The following ERC2 variants were observed in gnomAD, a reference collection of about 807,000 sequenced individuals.
ERC2 encodes ERC protein 2.
Under a neutral mutation model 114.8 loss-of-function variants are expected in ERC2, and 42 were observed. The observed-to-expected ratio is 0.37, with a 90% confidence interval of 0.29 to 0.47. ERC2 has a LOEUF of 0.47. Ranked by LOEUF, ERC2 falls within the 20% of genes least tolerant of loss-of-function variation. The pLI is 0.99. For synonymous variants in ERC2, 454 were observed against 425.5 expected (o/e 1.07, Z -0.82); for missense variants, 939 against 1,150.7 (o/e 0.82, Z 2.66).
chr3:56,424,849 A>G lies in ERC2; in HGVS notation c.657+9502T>C, dbSNP rs143936151. Among the ~76,000 whole-genome samples the G allele has an allele frequency of 1.6e-3, 249 of 152,322 alleles. 1 individual carries two copies. Among genetic ancestry groups the G allele is most frequent in the African/African-American group, 5.8e-3 (241 of 41,570 alleles). On this transcript the variant is annotated intron_variant, in intron 2 of 17. Transcript: ENST00000288221. Reference sequence around the variant, plus strand: ...GCATTCCAAGGTATGTTGTGGTGCTAAACTATATTATCCAGTTCTAAATAC... The same window carrying G: ...GCATTCCAAGGTATGTTGTGGTGCTGAACTATATTATCCAGTTCTAAATAC...
At chr3:56,297,089 C>G (rs1377422728) in intron 2 of ERC2, among the ~76,000 whole-genome samples, 1 of 151,862 alleles carries the variant, frequency 6.6e-6, no homozygotes, top group Non-Finnish European at 1.5e-5. Flanking sequence ...AACCTTGGTT[C>G]TTCTGGCATC....
intron 2 of ERC2, among the ~76,000 whole-genome samples, chr3:56,345,217 C>T (rs1228750470): frequency 6.6e-6 from 1 of 152,184 alleles, no homozygotes; most frequent in Non-Finnish European, 1.5e-5. Context: ...TCCCTGAAAA[C>T]AACAAAGTCT....
intron 3 of ERC2, 58 bp downstream of exon 3, chr3:56,295,961 G>T: frequency 6.8e-7 from 1 of 1,479,396 alleles, no homozygotes; most frequent in South Asian, 1.4e-5. Context: ...AAAATAACTT[G>T]ATAACATATT....
intron 12 of ERC2, among the ~76,000 whole-genome samples, chr3:55,983,385 C>G (rs947184778): frequency 2.0e-4 from 31 of 152,284 alleles, no homozygotes; most frequent in Middle Eastern, 6.8e-3. Flanking sequence ...AACCCTCCCC[C>G]GAGTACAATA....
chr3:55,724,265 G>A (rs2064770290), intron 15 of ERC2, among the ~76,000 whole-genome samples: 1 of 152,222 alleles, frequency 6.6e-6, no homozygotes, highest in African/African-American at 2.4e-5. Flanking sequence ...TGCACATGGT[G>A]GCCTCAGGTC....
intron 3 of ERC2, among the ~76,000 whole-genome samples, chr3:56,278,924 A>G (rs2054177674): frequency 1.3e-5 from 2 of 152,096 alleles, no homozygotes; most frequent in South Asian, 2.1e-4. Flanking sequence ...CTATGCCCCA[A>G]CTCCAGCATT....
chr3:55,917,539 C>T (rs1405806939), intron 13 of ERC2, among the ~76,000 whole-genome samples: 1 of 151,928 alleles, frequency 6.6e-6, no homozygotes, highest in Non-Finnish European at 1.5e-5. Flanking sequence ...TATGAATAGG[C>T]AAATCTATAA....
chr3:55,749,868 G>A lies in ERC2; in HGVS notation c.2565-14950C>T, dbSNP rs181514549. 1.6e-4 allele frequency among the ~76,000 whole-genome samples: 24 copies of A among 152,248 alleles called. No homozygotes were observed. The South Asian group carries it at 1.9e-3, about 12-fold the overall frequency. ...CTTTAAGAGTTGTAACACTCACTGCGAAGGTCTACGACTTCATTCTTGAAG... is the reference window on the plus strand; with the variant it reads ...CTTTAAGAGTTGTAACACTCACTGCAAAGGTCTACGACTTCATTCTTGAAG... On this transcript the variant is annotated intron_variant, in intron 14 of 17. Coordinates refer to ENST00000288221, the MANE Select transcript of ERC2 (RefSeq NM_015576.3).
At position 56,266,405 on chromosome 3, in the gene ERC2, C is replaced by T. The variant is rs60876308; in HGVS notation, c.1074+29614G>A. Among the ~76,000 whole-genome samples, 249 of 152,198 alleles carry T rather than the reference C, an allele frequency of 1.6e-3. 1 individual carries two copies. Among genetic ancestry groups the T allele is most frequent in the East Asian group, 0.011 (55 of 5,162 alleles). On this transcript the variant is annotated intron_variant, in intron 3 of 17. Coordinates refer to ENST00000288221, the MANE Select transcript of ERC2 (RefSeq NM_015576.3). ...TCGGCCTCCCAAAGTGCTGGGATTACAGGTGTGAGCCACCGCACCCAGCAA... is the reference window on the plus strand; with the variant it reads ...TCGGCCTCCCAAAGTGCTGGGATTATAGGTGTGAGCCACCGCACCCAGCAA...
intron 2 of ERC2, among the ~76,000 whole-genome samples, chr3:56,408,090 T>C (rs572158786): frequency 7.2e-5 from 11 of 152,264 alleles, no homozygotes; most frequent in African/African-American, 2.2e-4. Flanking sequence ...AGTGAAGAAA[T>C]AATGTCCACC....
chr3:55,916,113 C>A lies in ERC2; in HGVS notation c.2404-27564G>T, dbSNP rs137890609. Reference sequence around the variant, plus strand: ...TGAGAGGAGTGCTAAGTCCTTCAACCACTGCAGACCCATTCAGCTCACTGT... The same window carrying A: ...TGAGAGGAGTGCTAAGTCCTTCAACAACTGCAGACCCATTCAGCTCACTGT... On this transcript the variant is annotated intron_variant, in intron 13 of 17. Transcript: ENST00000288221. Among the ~76,000 whole-genome samples the A allele has an allele frequency of 6.9e-3, 1,056 of 152,226 alleles. 10 individuals are homozygous for A. The highest frequency in any genetic ancestry group is 0.023 in the African/African-American group (969 of 41,528).
intron 17 of ERC2, among the ~76,000 whole-genome samples, chr3:55,602,409 G>A (rs1488157327): frequency 6.6e-6 from 1 of 152,200 alleles, no homozygotes; most frequent in Non-Finnish European, 1.5e-5. Context: ...AGCAGAGGCT[G>A]CCCTGAAAAG....
At chr3:56,021,529 G>C (rs11130493) in intron 7 of ERC2, among the ~76,000 whole-genome samples, 48,615 of 151,962 alleles carry the variant, frequency 0.32, 8,607 homozygotes, top group African/African-American at 0.45. Context: ...GTTGCCAGCA[G>C]TTACAGATTG....
At chr3:55,749,697 A>G (rs1278608589) in intron 14 of ERC2, among the ~76,000 whole-genome samples, 1 of 152,166 alleles carries the variant, frequency 6.6e-6, no homozygotes, top group East Asian at 1.9e-4. Context: ...GAAACAGAAC[A>G]TGGGCGGGGA....
At chr3:56,415,726 C>A (rs1225668282) in intron 2 of ERC2, among the ~76,000 whole-genome samples, 2 of 152,192 alleles carry the variant, frequency 1.3e-5, no homozygotes, top group African/African-American at 4.8e-5. Context: ...GTAAAATTTT[C>A]TCCTGGGGAA....
At chr3:56,031,939 G>A (rs984088625) in intron 7 of ERC2, among the ~76,000 whole-genome samples, 2 of 152,136 alleles carry the variant, frequency 1.3e-5, no homozygotes, top group Admixed American at 6.5e-5. Flanking sequence ...GAGCCTAATG[G>A]GAGGTGTTTC....
At chr3:55,744,158 T>G (rs189373114) in intron 14 of ERC2, among the ~76,000 whole-genome samples, 157 of 152,182 alleles carry the variant, frequency 1.0e-3, no homozygotes, top group African/African-American at 3.7e-3. Context: ...ATCCCAGCAC[T>G]TTGGGAGGCC....
chr3:55,764,534 T>C (rs1030932281), intron 14 of ERC2, among the ~76,000 whole-genome samples: 1 of 152,216 alleles, frequency 6.6e-6, no homozygotes, highest in African/African-American at 2.4e-5. Flanking sequence ...ATGAAGGAGA[T>C]ACTTATGGCT....
At chr3:55,832,338 C>A (rs1191126914) in intron 14 of ERC2, among the ~76,000 whole-genome samples, 1 of 152,230 alleles carries the variant, frequency 6.6e-6, no homozygotes, top group Non-Finnish European at 1.5e-5. Flanking sequence ...CCCTGAGCAG[C>A]CTAACTGGAA....
Sources: gnomAD v4.1 joint callset for allele counts (sites outside exome capture counted in the v4.1 genomes callset) on GRCh38, gnomAD v4.1.1 for gene constraint, MANE v1.5 for transcripts, NCBI Gene and HGNC (gene_info 2026-07-23, HGNC 2026-07-21) for gene names.